The following DHX36 variants were observed in gnomAD, a reference collection of about 807,000 sequenced individuals.
DHX36 encodes DEAH-box helicase 36.
Under a neutral mutation model 139.0 loss-of-function variants are expected in DHX36, and 50 were observed. The observed-to-expected ratio is 0.36, with a 90% CI of 0.29 to 0.46. DHX36 has a LOEUF of 0.46. Ranked by LOEUF, DHX36 falls within the 20% of genes least tolerant of loss-of-function variation. DHX36 has a pLI of 1.00. For missense variants in DHX36, 1,024 were observed against 1,211.3 expected, an observed-to-expected ratio of 0.85 and a Z score of 2.29; for synonymous variants, 425 against 401.9, an observed-to-expected ratio of 1.06 and a Z score of -0.69.
intron 9 of DHX36, among the ~76,000 whole-genome samples, chr3:154,301,652 A>G (rs1712285769): frequency 6.6e-6 from 1 of 152,188 alleles, no homozygotes; most frequent in South Asian, 2.1e-4. Context: ...AATTCTGCTC[A>G]GTCACACAGT....
intron 17 of DHX36, among the ~76,000 whole-genome samples, chr3:154,286,901 C>T (rs1711567320): frequency 6.6e-6 from 1 of 152,022 alleles, no homozygotes; most frequent in South Asian, 2.1e-4. Flanking sequence ...CTGTGTCCCT[C>T]AAACTCCTGG....
intron 5 of DHX36, among the ~76,000 whole-genome samples, chr3:154,309,291 T>C (rs962671450): frequency 2.7e-5 from 4 of 150,622 alleles, no homozygotes; most frequent in African/African-American, 9.8e-5. Context: ...ACTCAAAAAA[T>C]GACAGAAGTA....
chr3:154,304,685 T>C (rs769082432), intron 8 of DHX36, 121 bp downstream of exon 8: 18 of 750,528 alleles, frequency 2.4e-5, no homozygotes, highest in Non-Finnish European at 3.4e-5. Context: ...GGTAGAATAA[T>C]ATTAAAATAA....
chr3:154,292,446 A>G (rs1436572735), intron 15 of DHX36, 105 bp downstream of exon 15: 5 of 1,465,024 alleles, frequency 3.4e-6, no homozygotes. Context: ...TCAAAATAAT[A>G]AGAAAGGTAA....
chr3:154,320,119 CTA>C (rs1386341299), intron 1 of DHX36, among the ~76,000 whole-genome samples: 8 of 152,194 alleles, frequency 5.3e-5, no homozygotes, highest in Admixed American at 1.3e-4. Flanking sequence ...ATGCTTGCCA[CTA>C]TCAATTACTT....
In DHX36 at chr3:154,272,825, T is replaced by C. The variant is rs1719037534; in HGVS notation, c.*3346A>G. 1 of 152,082 alleles carries C rather than the reference T, an allele frequency of 6.6e-6. No homozygotes were observed. The highest frequency in any genetic ancestry group is 1.5e-5 in the Non-Finnish European group (1 of 68,012). 9.4% of individuals were successfully genotyped at this position (152,082 alleles called of 1,614,324 possible). A position where few individuals can be genotyped will look rare whatever the true frequency, so the allele number is the denominator to read the frequency against. ...ACAGAAGGAAATTTACCACTATTTA[T>C]TTTGGGTAAAGGAGTACTAAAATTC... On this transcript the variant is annotated 3_prime_UTR_variant, in exon 25 of 25. Transcript: ENST00000496811.
chr3:154,310,804 A>T (rs1193880248), intron 4 of DHX36, among the ~76,000 whole-genome samples: 6 of 34,542 alleles, frequency 1.7e-4, no homozygotes, highest in African/African-American at 7.3e-4. Flanking sequence ...AAAAAAAAAA[A>T]AAATATATAT....
chr3:154,301,203 T>C (rs1712263301), intron 9 of DHX36, 76 bp from the exon 10 acceptor site: 1 of 1,399,770 alleles, frequency 7.1e-7, no homozygotes, highest in African/African-American at 1.4e-5. Flanking sequence ...ACATTTTATA[T>C]TTAGGATTTT....
intron 3 of DHX36, 70 bp downstream of exon 3, chr3:154,314,976 T>C: frequency 1.9e-6 from 2 of 1,072,462 alleles, no homozygotes; most frequent in Non-Finnish European, 2.7e-6. Context: ...CAGCTACCTC[T>C]AACCATACAT....
At chr3:154,306,440 T>A in intron 5 of DHX36, 145 bp from the exon 6 acceptor site, 1 of 657,882 alleles carries the variant, frequency 1.5e-6, no homozygotes, top group Non-Finnish European at 2.6e-6. Flanking sequence ...CTGAGGTATC[T>A]AAAACAGTGT....
At chr3:154,285,114 T>A in intron 17 of DHX36, 127 bp from the exon 18 acceptor site, 4 of 977,974 alleles carry the variant, frequency 4.1e-6, no homozygotes, top group Non-Finnish European at 5.9e-6. Context: ...CCAAATATTG[T>A]TCAGCTTTAG....
At position 154,280,729 on chromosome 3, in the gene DHX36, A is replaced by G. The variant is rs372394653; in HGVS notation, c.2476+34T>C. 5.6e-6 allele frequency: 9 copies of G among 1,605,702 alleles called. No homozygotes were observed. In the African/African-American group the frequency reaches 1.1e-4, roughly 19 times the overall value. On this transcript the variant is annotated intron_variant, in intron 21 of 24. Transcript: ENST00000496811. ...AGTAAAATACTGATACAATAGACAA[A>G]AGATACTTATTTACACTGTGTTTCC...
At chr3:154,293,130 G>T (rs1711888083) in intron 14 of DHX36, among the ~76,000 whole-genome samples, 1 of 152,018 alleles carries the variant, frequency 6.6e-6, no homozygotes, top group Non-Finnish European at 1.5e-5. Context: ...TTTAAAGGCT[G>T]GATATAACTA....
intron 12 of DHX36, among the ~76,000 whole-genome samples, chr3:154,297,636 G>T (rs933922399): frequency 2.0e-5 from 3 of 151,976 alleles, no homozygotes; most frequent in African/African-American, 7.3e-5. Flanking sequence ...CTTGAACCTG[G>T]GAGGCGGAGG....
intron 12 of DHX36, 144 bp from the exon 13 acceptor site, chr3:154,295,483 A>C (rs1448774508): frequency 9.3e-6 from 4 of 431,018 alleles, no homozygotes; most frequent in Non-Finnish European, 1.7e-5. Context: ...AAAACAGCTA[A>C]ACCATCTGAG....
chr3:154,318,631 A>G (rs1009293032), intron 1 of DHX36, among the ~76,000 whole-genome samples: 2 of 152,200 alleles, frequency 1.3e-5, no homozygotes, highest in African/African-American at 4.8e-5. Flanking sequence ...AGTCAACATC[A>G]GTTGGTAGAC....
At chr3:154,305,604 G>T (rs1321764854) in intron 6 of DHX36, among the ~76,000 whole-genome samples, 1 of 151,976 alleles carries the variant, frequency 6.6e-6, no homozygotes, top group East Asian at 1.9e-4. Flanking sequence ...ATCCAGGCTC[G>T]AAAAGTAAAA....
chr3:154,302,345 C>A (rs1256516122), intron 9 of DHX36, among the ~76,000 whole-genome samples: 2 of 152,130 alleles, frequency 1.3e-5, no homozygotes, highest in Non-Finnish European at 2.9e-5. Context: ...CTGATACACA[C>A]TAACTTTTTG....
intron 15 of DHX36, among the ~76,000 whole-genome samples, chr3:154,290,524 C>T (rs1711748615): frequency 1.3e-5 from 2 of 151,182 alleles, no homozygotes; most frequent in African/African-American, 4.9e-5. Context: ...TCCTGTAGTC[C>T]CAGTGGGAGG....
Sources: gnomAD v4.1 joint callset for allele counts (sites outside exome capture counted in the v4.1 genomes callset) on GRCh38, gnomAD v4.1.1 for gene constraint, MANE v1.5 for transcripts, NCBI Gene and HGNC (gene_info 2026-07-23, HGNC 2026-07-21) for gene names.